The following IL1RAP variants were observed in gnomAD, a reference collection of about 807,000 sequenced individuals.
The protein encoded by IL1RAP is interleukin 1 receptor accessory protein, also known as interleukin-1 receptor accessory protein.
IL1RAP carries 35 observed loss-of-function variants against 60.7 expected under a neutral mutation model. The ratio of observed to expected loss-of-function variants is 0.58; its 90% CI spans 0.44 to 0.76. The LOEUF is 0.76. IL1RAP is among the 30% of genes least tolerant of loss of function. The pLI is 0.00. For synonymous variants in IL1RAP, 268 were observed against 250.9 expected (o/e 1.07, Z -0.64); for missense variants, 572 against 693.9 (o/e 0.82, Z 1.97).
intron 4 of IL1RAP, among the ~76,000 whole-genome samples, chr3:190,607,790 T>C (rs1730470593): frequency 6.6e-6 from 1 of 152,234 alleles, no homozygotes; most frequent in African/African-American, 2.4e-5. Flanking sequence ...GGAATGATTG[T>C]ACCACAGGTT....
At chr3:190,615,285 T>G in intron 5 of IL1RAP, 1 of 1,261,490 alleles carries the variant, frequency 7.9e-7, no homozygotes, top group Non-Finnish European at 1.0e-6. Context: ...AAATATACCA[T>G]GTGTATAAAT....
chr3:190,539,606 T>G (rs1054425062), intron 1 of IL1RAP, among the ~76,000 whole-genome samples: 1 of 151,990 alleles, frequency 6.6e-6, no homozygotes, highest in Non-Finnish European at 1.5e-5. Context: ...ATCATATAAC[T>G]CTGGTGATAT....
At position 190,527,826 on chromosome 3, in the gene IL1RAP, TACACACACACACAC is replaced by T. The variant is rs10602405; in HGVS notation, c.-89+13638_-89+13651del. On this transcript the variant is annotated intron_variant, in intron 1 of 11. Transcript: ENST00000447382. ...TGATAAATTATTTTAAGGAAAGGTC[TACACACACACACAC>T]ACACACACACACACACACACACACA... 4.6e-3 allele frequency among the ~76,000 whole-genome samples: 644 copies of T among 139,692 alleles called. 1 individual carries two copies. The highest frequency in any genetic ancestry group is 0.016 in the African/African-American group (607 of 37,714). The allele number at this position is 139,692 out of a possible 152,430, so 91.6% of individuals were successfully genotyped here.
chr3:190,564,098 C>A (rs1726152986), intron 2 of IL1RAP, 191 bp from the exon 3 acceptor site: 2 of 561,908 alleles, frequency 3.6e-6, no homozygotes, highest in South Asian at 2.3e-5. Context: ...AATTGAAAAA[C>A]AAACAACAAA....
intron 9 of IL1RAP, among the ~76,000 whole-genome samples, chr3:190,640,543 C>T (rs1393588588): frequency 6.6e-6 from 1 of 152,190 alleles, no homozygotes; most frequent in African/African-American, 2.4e-5. Flanking sequence ...AATTATCCAT[C>T]AGTCCCAATA....
intron 1 of IL1RAP, among the ~76,000 whole-genome samples, chr3:190,547,961 G>A (rs182023412): frequency 3.3e-4 from 51 of 152,300 alleles, no homozygotes; most frequent in Non-Finnish European, 6.5e-4. Flanking sequence ...AGGCTTCTGG[G>A]CACCTGAACA....
At chr3:190,555,510 C>G (rs1454218018) in intron 1 of IL1RAP, among the ~76,000 whole-genome samples, 1 of 152,192 alleles carries the variant, frequency 6.6e-6, no homozygotes, top group African/African-American at 2.4e-5. Context: ...CCAAAAGATT[C>G]ATTTCACGAT....
chr3:190,582,651 A>G (rs953192331), intron 3 of IL1RAP, among the ~76,000 whole-genome samples: 1 of 152,118 alleles, frequency 6.6e-6, no homozygotes, highest in Non-Finnish European at 1.5e-5. Context: ...CCTCATAATT[A>G]GCTGTTTCTC....
chr3:190,555,699 A>G (rs1400616216), intron 1 of IL1RAP, among the ~76,000 whole-genome samples: 1 of 152,208 alleles, frequency 6.6e-6, no homozygotes, highest in Non-Finnish European at 1.5e-5. Context: ...TGTGGTTTGA[A>G]TACCTCCAAA....
intron 1 of IL1RAP, among the ~76,000 whole-genome samples, chr3:190,528,592 C>T (rs1259664675): frequency 6.6e-6 from 1 of 152,108 alleles, no homozygotes; most frequent in Admixed American, 6.5e-5. Context: ...GTAGGCAAGA[C>T]ACTGGTGAGA....
intron 7 of IL1RAP, among the ~76,000 whole-genome samples, chr3:190,626,815 C>T (rs766679848): frequency 4.6e-5 from 7 of 151,636 alleles, no homozygotes; most frequent in African/African-American, 7.3e-5. Flanking sequence ...GGATTACAGG[C>T]GGTGCCACCA....
intron 3 of IL1RAP, among the ~76,000 whole-genome samples, chr3:190,583,918 C>G (rs188293447): frequency 1.4e-3 from 213 of 152,216 alleles, no homozygotes; most frequent in Admixed American, 3.7e-3. Context: ...TACATATGGT[C>G]AAATTGAGTT....
At chr3:190,644,422 A>G (rs190520359) in intron 10 of IL1RAP, 25 bp downstream of exon 10, 1 of 1,539,714 alleles carries the variant, frequency 6.5e-7, no homozygotes, top group Non-Finnish European at 9.0e-7. Context: ...TTTGACATAA[A>G]CCTCTTCTAC....
chr3:190,590,586 G>A (rs1577674874), intron 3 of IL1RAP, among the ~76,000 whole-genome samples: 1 of 152,118 alleles, frequency 6.6e-6, no homozygotes, highest in Non-Finnish European at 1.5e-5. Flanking sequence ...CCACACTTAT[G>A]GGCAGCGATG....
rs192163631 is a variant in IL1RAP at position 190,575,779 on chromosome 3, G to A, written c.64+11426G>A. ...AAATGATCTTGTGAGCTGCTATGTA[G>A]GAATAAGATTGGAAAAGATTTCTGT... On this transcript the variant is annotated intron_variant, in intron 3 of 11. Transcript: ENST00000447382. Among the ~76,000 whole-genome samples, 632 of 152,370 alleles carry A rather than the reference G, an allele frequency of 4.1e-3. 5 individuals carry two copies. Among genetic ancestry groups the A allele is most frequent in the African/African-American group, 0.015 (607 of 41,584 alleles).
At chr3:190,563,561 G>C (rs897423423) in intron 2 of IL1RAP, 1 of 152,212 alleles carries the variant, frequency 6.6e-6, no homozygotes, top group African/African-American at 2.4e-5. Flanking sequence ...GCAGTTGGCT[G>C]TTTCAGCTGG....
chr3:190,588,785 G>A (rs563290941), intron 3 of IL1RAP, among the ~76,000 whole-genome samples: 63 of 152,134 alleles, frequency 4.1e-4, no homozygotes, highest in South Asian at 1.7e-3. Flanking sequence ...CCCAATAAAC[G>A]TATGAGGCAA....
chr3:190,533,694 T>C (rs1723178733), intron 1 of IL1RAP, among the ~76,000 whole-genome samples: 1 of 152,000 alleles, frequency 6.6e-6, no homozygotes, highest in Non-Finnish European at 1.5e-5. Flanking sequence ...TGCACATCCG[T>C]GTAGAAAAAC....
chr3:190,646,372 C>T (rs1734017121), intron 11 of IL1RAP, among the ~76,000 whole-genome samples: 1 of 152,002 alleles, frequency 6.6e-6, no homozygotes, highest in Admixed American at 6.6e-5. Context: ...TTTTCCCCCT[C>T]ACTTTTCTTT....
Sources: gnomAD v4.1 joint callset for allele counts (sites outside exome capture counted in the v4.1 genomes callset) on GRCh38, gnomAD v4.1.1 for gene constraint, MANE v1.5 for transcripts, NCBI Gene and HGNC (gene_info 2026-07-23, HGNC 2026-07-21) for gene names.